Variants in LSM3 observed in about 807,000 individuals in gnomAD.
LSM3 encodes the protein LSM3 homolog, U6 small nuclear RNA and mRNA degradation associated.
Under a neutral mutation model 15.4 loss-of-function variants are expected in LSM3, and 14 were observed. That is an observed-to-expected ratio of 0.91 (90% CI 0.60 to 1.42). The LOEUF (loss-of-function observed/expected upper bound fraction) is 1.42, where lower values mean the gene tolerates loss of function less well. Among genes scored for constraint, LSM3 ranks in the 40% most tolerant of loss-of-function variants. The pLI is 0.00. For synonymous variants in LSM3, 46 were observed against 45.1 expected (o/e 1.02, Z -0.08); for missense variants, 88 against 127.9 (o/e 0.69, Z 1.50).
chr3:14,194,065 T>C (rs1045399448), intron 3 of LSM3, among the ~76,000 whole-genome samples: 8 of 152,202 alleles, frequency 5.3e-5, no homozygotes, highest in Non-Finnish European at 7.3e-5. Flanking sequence ...CCTGACCCAG[T>C]TTGTGTGGAT....
At chr3:14,180,861 A>ATT (rs1559390263) in intron 1 of LSM3, among the ~76,000 whole-genome samples, 6 of 112,292 alleles carry the variant, frequency 5.3e-5, no homozygotes, top group African/African-American at 2.1e-4. Context: ...TTTTTTTAAA[A>ATT]AAAAAAAAGA....
At chr3:14,186,444 A>G (rs150741864) in intron 3 of LSM3, among the ~76,000 whole-genome samples, 1 of 152,368 alleles carries the variant, frequency 6.6e-6, no homozygotes, top group Admixed American at 6.5e-5. Flanking sequence ...AAGCCTTCAG[A>G]TAGTGACAGG....
chr3:14,200,601 C>T lies in LSM3; in HGVS notation c.*2485C>T, dbSNP rs1412865317. On this transcript the variant is annotated 3_prime_UTR_variant, in exon 4 of 4. Transcript: ENST00000306024. The stretch of plus-strand genomic sequence containing the variant: ...CCGGTCTTGGTTGTTTTATGAGAGG[C>T]CGATATGAATTGCCATTGCCTCCCA... The T allele has an allele frequency of 6.6e-6, 1 of 152,096 alleles. No homozygotes were observed. Among genetic ancestry groups the T allele is most frequent in the African/African-American group, 2.4e-5 (1 of 41,404 alleles). 9.4% of individuals were successfully genotyped at this position (152,096 alleles called of 1,614,324 possible).
At chr3:14,184,158 A>C in intron 3 of LSM3, 126 bp downstream of exon 3, 1 of 1,216,158 alleles carries the variant, frequency 8.2e-7, no homozygotes, top group Non-Finnish European at 1.1e-6. Flanking sequence ...AGAGCATAGC[A>C]ATTAAAAGCA....
rs1697203874 is a variant in LSM3 at position 14,198,218 on chromosome 3, A to G, written c.*102A>G. Reference sequence around the variant, plus strand: ...AGAAACCTGCATACATTTTGATATTAAGAAATAATTCCGGGGATTCTTCCA... The same window carrying G: ...AGAAACCTGCATACATTTTGATATTGAGAAATAATTCCGGGGATTCTTCCA... On this transcript the variant is annotated 3_prime_UTR_variant, in exon 4 of 4. Transcript: ENST00000306024. The G allele has an allele frequency of 1.2e-6, 1 of 853,578 alleles. No homozygotes were observed. The highest frequency in any genetic ancestry group is 1.9e-6 in the Non-Finnish European group (1 of 518,744). The allele number at this position is 853,578 out of a possible 1,614,324, so 52.9% of individuals were successfully genotyped here.
At chr3:14,197,760 T>C (rs1248035510) in intron 3 of LSM3, among the ~76,000 whole-genome samples, 1 of 152,228 alleles carries the variant, frequency 6.6e-6, no homozygotes, top group Non-Finnish European at 1.5e-5. Context: ...AGCAATCCGA[T>C]GGCTACATCT....
At chr3:14,193,888 G>A (rs1026133030) in intron 3 of LSM3, among the ~76,000 whole-genome samples, 4 of 152,156 alleles carry the variant, frequency 2.6e-5, no homozygotes, top group Non-Finnish European at 5.9e-5. Context: ...CAGCCTTTTT[G>A]TGCTGGTTTT....
At chr3:14,180,876 A>T (rs2125056217) in intron 1 of LSM3, among the ~76,000 whole-genome samples, 2 of 108,736 alleles carry the variant, frequency 1.8e-5, no homozygotes, top group Admixed American at 1.3e-4. Context: ...AAAAGACAAG[A>T]GTCTCACTCT....
intron 3 of LSM3, among the ~76,000 whole-genome samples, chr3:14,187,659 C>G (rs941283839): frequency 2.6e-5 from 4 of 152,214 alleles, no homozygotes; most frequent in African/African-American, 9.7e-5. Context: ...ATTTCGCTCT[C>G]TCTCTCGTCT....
intron 3 of LSM3, among the ~76,000 whole-genome samples, chr3:14,197,323 C>T (rs560822346): frequency 3.9e-5 from 6 of 152,334 alleles, no homozygotes; most frequent in East Asian, 1.9e-4. Flanking sequence ...TCCCAGAGCT[C>T]GTGAGTTTAG....
chr3:14,196,561 A>G (rs1002359704), intron 3 of LSM3, among the ~76,000 whole-genome samples: 8 of 152,240 alleles, frequency 5.3e-5, no homozygotes, highest in Admixed American at 2.6e-4. Flanking sequence ...GAGAAACATA[A>G]GACAGTTACT....
chr3:14,179,228 C>T (rs1486520048), intron 1 of LSM3, among the ~76,000 whole-genome samples: 2 of 152,160 alleles, frequency 1.3e-5, no homozygotes, highest in East Asian at 1.9e-4. Context: ...ATTCATTCAG[C>T]AGATAGAGTG....
rs368495993 is a variant in LSM3, at chr3:14,178,900, G to A, written c.21+19G>A. 1.9e-6 allele frequency: 3 copies of A among 1,613,948 alleles called. No individual in the cohort carries two copies. The highest frequency in any genetic ancestry group is 3.3e-5 in the Admixed American group (2 of 60,012). On this transcript the variant is annotated intron_variant, in intron 1 of 3. Transcript: ENST00000306024. ...AGACCAGGTAAGTGTATTTTAAGGAGGTCGCTCGAAGGAGCTTCTTGTACT... is the reference window on the plus strand; with the variant it reads ...AGACCAGGTAAGTGTATTTTAAGGAAGTCGCTCGAAGGAGCTTCTTGTACT...
intron 3 of LSM3, among the ~76,000 whole-genome samples, chr3:14,191,646 T>C (rs925041329): frequency 1.3e-5 from 2 of 152,212 alleles, no homozygotes; most frequent in Non-Finnish European, 2.9e-5. Context: ...TATCATTTTT[T>C]ATTGCGTCTA....
chr3:14,195,759 G>A (rs542251650), intron 3 of LSM3, among the ~76,000 whole-genome samples: 1 of 152,306 alleles, frequency 6.6e-6, no homozygotes, highest in South Asian at 2.1e-4. Context: ...TGGTTCTGGT[G>A]TGGAGCTTGG....
In LSM3 at chr3:14,198,908, T is replaced by A. The variant is rs1416203736; in HGVS notation, c.*792T>A. On this transcript the variant is annotated 3_prime_UTR_variant, in exon 4 of 4. Coordinates refer to ENST00000306024, the MANE Select transcript of LSM3 (RefSeq NM_014463.3). ...CCCTCAAGTCTTCTGGGGAGGCAGA[T>A]GTTTAAACCAACAATTGCAGGCAGT... 6.6e-6 allele frequency: 1 copy of A among 150,914 alleles called. No homozygotes were observed. The highest frequency in any genetic ancestry group is 1.9e-4 in the East Asian group (1 of 5,174). 9.3% of individuals were successfully genotyped at this position (150,914 alleles called of 1,614,324 possible).
intron 3 of LSM3, among the ~76,000 whole-genome samples, chr3:14,197,021 A>G (rs1159268988): frequency 1.3e-5 from 2 of 152,216 alleles, no homozygotes; most frequent in Non-Finnish European, 1.5e-5. Flanking sequence ...ATTTGCTACA[A>G]AAGTTTGGGT....
At chr3:14,194,184 A>G (rs1267211130) in intron 3 of LSM3, among the ~76,000 whole-genome samples, 1 of 152,184 alleles carries the variant, frequency 6.6e-6, no homozygotes, top group Non-Finnish European at 1.5e-5. Context: ...CTTCTGTATG[A>G]GGTGTCTGTC....
At chr3:14,196,944 T>A (rs897028898) in intron 3 of LSM3, among the ~76,000 whole-genome samples, 1 of 152,252 alleles carries the variant, frequency 6.6e-6, no homozygotes, top group Admixed American at 6.5e-5. Flanking sequence ...TTTCTAGGAC[T>A]GCTTTATTTC....
Sources: gnomAD v4.1 joint callset for allele counts (sites outside exome capture counted in the v4.1 genomes callset) on GRCh38, gnomAD v4.1.1 for gene constraint, MANE v1.5 for transcripts, NCBI Gene and HGNC (gene_info 2026-07-23, HGNC 2026-07-21) for gene names.